Variants in PTP4A1 observed in about 807,000 individuals in gnomAD.
PTP4A1 encodes the protein protein tyrosine phosphatase type IVA 1.
In PTP4A1, 9 loss-of-function variants were observed where a neutral mutation model predicts 20.5. That is an observed-to-expected ratio of 0.44 (90% CI 0.26 to 0.77). The LOEUF (loss-of-function observed/expected upper bound fraction) is 0.77. PTP4A1 is among the 30% of genes least tolerant of loss of function. The pLI, the probability that PTP4A1 is intolerant of heterozygous loss-of-function variation, is 0.19. For missense variants in PTP4A1, 137 were observed against 218.8 expected, an observed-to-expected ratio of 0.63 and a Z score of 2.36; for synonymous variants, 78 against 67.4, an observed-to-expected ratio of 1.16 and a Z score of -0.77.
chr6:63,579,290 A>C lies in PTP4A1; in HGVS notation c.363A>C (p.Glu121Asp). The C allele has an allele frequency of 6.2e-7, 1 of 1,611,478 alleles. No homozygotes were observed. The highest frequency in any genetic ancestry group is 8.5e-7 in the Non-Finnish European group (1 of 1,178,640). ...TACTTGTTGCCCTAGCATTAATTGA[A>C]GGTGGAATGAAATACGAAGATGCAG... The part of the protein sequence containing the change: ...APVLVALALI[E>D]GGMKYEDAVQ... The change falls in exon 5 of 6, where the codon GAA becomes GAC. Residue 121 changes from glutamate (E) to aspartate (D), a missense_variant. Physicochemically the swap from Glu to Asp is conservative, Grantham distance 45. Transcript: ENST00000626021.
chr6:63,518,572 C>T (rs1774813771), upstream of PTP4A1, among the ~76,000 whole-genome samples: 1 of 152,050 alleles, frequency 6.6e-6, no homozygotes, highest in Admixed American at 6.6e-5. Context: ...CAGTATTTTA[C>T]AGAAAAAGAA....
intron 3 of PTP4A1, among the ~76,000 whole-genome samples, chr6:63,561,343 T>C (rs987122921): frequency 2.5e-4 from 38 of 152,166 alleles, no homozygotes; most frequent in African/African-American, 9.2e-4. Flanking sequence ...CAACACATAG[T>C]AAGCACTCAA....
intron 3 of PTP4A1, among the ~76,000 whole-genome samples, chr6:63,567,365 G>A (rs1463574653): frequency 6.6e-6 from 1 of 152,194 alleles, no homozygotes; most frequent in African/African-American, 2.4e-5. Flanking sequence ...GTTGCAGAAT[G>A]GATGCTGTGT....
intron 2 of PTP4A1, among the ~76,000 whole-genome samples, chr6:63,536,604 T>C (rs1253209408): frequency 6.6e-6 from 1 of 152,216 alleles, no homozygotes; most frequent in Admixed American, 6.5e-5. Context: ...AATTGATGTA[T>C]GACTTTATAA....
chr6:63,556,057 T>C (rs150059719), intron 3 of PTP4A1, among the ~76,000 whole-genome samples: 65 of 152,284 alleles, frequency 4.3e-4, no homozygotes, highest in African/African-American at 1.5e-3. Flanking sequence ...AGAAATATTT[T>C]CCCTAAATTT....
chr6:63,539,984 A>T (rs1775888059), intron 2 of PTP4A1, among the ~76,000 whole-genome samples: 1 of 152,202 alleles, frequency 6.6e-6, no homozygotes, highest in Non-Finnish European at 1.5e-5. Context: ...TGGGAGTAAT[A>T]GGAATGTTCA....
upstream of PTP4A1, among the ~76,000 whole-genome samples, chr6:63,518,593 C>T (rs1279703759): frequency 6.6e-6 from 1 of 152,136 alleles, no homozygotes; most frequent in Non-Finnish European, 1.5e-5. Context: ...ATGTAATGCT[C>T]AGTGATGTTA....
At chr6:63,518,169 A>G (rs1422871731), upstream of PTP4A1, among the ~76,000 whole-genome samples, 1 of 152,018 alleles carries the variant, frequency 6.6e-6, no homozygotes, top group African/African-American at 2.4e-5. Flanking sequence ...AAAAAAAAAA[A>G]AAAAATCTCA....
chr6:63,539,520 G>A (rs2149482706), intron 2 of PTP4A1, among the ~76,000 whole-genome samples: 1 of 152,312 alleles, frequency 6.6e-6, no homozygotes, highest in East Asian at 1.9e-4. Context: ...GCTCACTCCT[G>A]TAATCCCAGC....
Position 63,580,743 on chromosome 6 carries a change from T to TTA in PTP4A1, c.*569_*570insTA, listed in dbSNP as rs1554141896. Reference sequence around the variant, plus strand: ...TTAACCATTGATTTTTTTTTTTTTTTACCAAGTCTTACAGTGATTATTTTA... The same window carrying TTA: ...TTAACCATTGATTTTTTTTTTTTTTTTAACCAAGTCTTACAGTGATTATTTTA... On this transcript the variant is annotated 3_prime_UTR_variant, in exon 6 of 6. Coordinates refer to ENST00000626021, the MANE Select transcript of PTP4A1 (RefSeq NM_003463.5). The TTA allele has an allele frequency of 1.3e-5, 2 of 152,430 alleles. No homozygotes were observed. The highest frequency in any genetic ancestry group is 3.9e-4 in the East Asian group (2 of 5,180). The allele number at this position is 152,430 out of a possible 1,614,324, so 9.4% of individuals were successfully genotyped here. A position where few individuals can be genotyped will look rare whatever the true frequency, so the allele number is the denominator to read the frequency against.
At chr6:63,561,162 G>A (rs1312219264) in intron 3 of PTP4A1, among the ~76,000 whole-genome samples, 1 of 152,178 alleles carries the variant, frequency 6.6e-6, no homozygotes, top group African/African-American at 2.4e-5. Flanking sequence ...GCCTAACAGA[G>A]TGATGGAAGC....
At chr6:63,533,135 A>C (rs950403689) in intron 2 of PTP4A1, among the ~76,000 whole-genome samples, 1 of 152,226 alleles carries the variant, frequency 6.6e-6, no homozygotes, top group African/African-American at 2.4e-5. Flanking sequence ...TGATCCCAGC[A>C]CTTTGGGAGG....
At chr6:63,557,189 A>G (rs1776727873) in intron 3 of PTP4A1, among the ~76,000 whole-genome samples, 2 of 152,222 alleles carry the variant, frequency 1.3e-5, no homozygotes, top group Non-Finnish European at 2.9e-5. Flanking sequence ...GAATGCTGCA[A>G]TAGAGGTATT....
At position 63,533,222 on chromosome 6, in the gene PTP4A1, A is replaced by C. The variant is rs376061104; in HGVS notation, c.-640+5138A>C. Among the ~76,000 whole-genome samples, 6 of 152,304 alleles carry C rather than the reference A, an allele frequency of 3.9e-5. No homozygotes were observed. The East Asian group carries it at 1.2e-3, about 29-fold the overall frequency. On this transcript the variant is annotated intron_variant, in intron 2 of 3. Transcript: ENST00000639568. Reference sequence around the variant, plus strand: ...CATGGTTAAACCTGGTATCTACTAAAAATACAAAAATTAGCCAGATGTGGT... The same window carrying C: ...CATGGTTAAACCTGGTATCTACTAACAATACAAAAATTAGCCAGATGTGGT...
chr6:63,551,441 C>T (rs1017668053), intron 3 of PTP4A1, among the ~76,000 whole-genome samples: 36 of 152,178 alleles, frequency 2.4e-4, no homozygotes, highest in Admixed American at 3.9e-4. Context: ...TACTGATTCA[C>T]AAATAGTCAC....
Position 63,544,977 on chromosome 6 carries a change from T to G in PTP4A1, c.-639-5323T>G, listed in dbSNP as rs1470271893. On this transcript the variant is annotated intron_variant, in intron 2 of 3. Coordinates refer to the PTP4A1 transcript ENST00000639568. ...TGCATATCAAACTTTCATGCACTAG[T>G]TTTATCATCCACTGATGATTCGATC... 1.3e-5 allele frequency among the ~76,000 whole-genome samples: 2 copies of G among 152,212 alleles called. 1 individual carries two copies. The highest frequency in any genetic ancestry group is 2.9e-5 in the Non-Finnish European group (2 of 68,030).
upstream of PTP4A1, among the ~76,000 whole-genome samples, chr6:63,521,346 A>G (rs1352506414): frequency 1.3e-5 from 2 of 152,360 alleles, no homozygotes; most frequent in East Asian, 3.9e-4. Flanking sequence ...AGTCAACATC[A>G]TTGTTTAAAA....
At position 63,548,653 on chromosome 6, in the gene PTP4A1, G is replaced by A. The variant is rs1447166381; in HGVS notation, c.-639-1647G>A. 1.4e-5 allele frequency: 6 copies of A among 422,632 alleles called. No homozygotes were observed. The East Asian group carries it at 2.3e-4, about 16-fold the overall frequency. 26.2% of individuals were successfully genotyped at this position (422,632 alleles called of 1,614,324 possible). ...CACAACCCTGATTTAATTTTTCAAG[G>A]AAAATTTGTTCTATTTTAATTATTT... On this transcript the variant is annotated intron_variant, in intron 2 of 3. Transcript: ENST00000639568.
chr6:63,550,458 A>T (rs182133373), exon 3 of PTP4A1: 1 of 152,138 alleles, frequency 6.6e-6, no homozygotes, highest in Non-Finnish European at 1.5e-5. Context: ...TCTTCAGACG[A>T]CTCTACCTGA....
Sources: allele counts gnomAD v4.1 joint callset (sites outside exome capture counted in the v4.1 genomes callset), GRCh38; gene constraint gnomAD v4.1.1; transcripts MANE v1.5; gene names NCBI Gene and HGNC (gene_info 2026-07-23, HGNC 2026-07-21).